The following DDX52 variants were observed in gnomAD, a reference collection of about 807,000 sequenced individuals.
DDX52 encodes the protein DExD-box helicase 52.
Under a neutral mutation model 76.1 loss-of-function variants are expected in DDX52, and 59 were observed. The observed-to-expected ratio is 0.78, with a 90% CI of 0.63 to 0.96. The LOEUF is 0.96. Ranked by LOEUF, DDX52 falls within the 40% of genes least tolerant of loss-of-function variation. The pLI, the probability that DDX52 is intolerant of heterozygous loss-of-function variation, is 0.00. For missense variants in DDX52, 707 were observed against 703.9 expected, an observed-to-expected ratio of 1.00 and a Z score of -0.05; for synonymous variants, 231 against 244.1, an observed-to-expected ratio of 0.95 and a Z score of 0.50.
chr17:37,634,742 C>G (rs1298194694), intron 2 of DDX52, among the ~76,000 whole-genome samples: 1 of 152,054 alleles, frequency 6.6e-6, no homozygotes, highest in Non-Finnish European at 1.5e-5. Context: ...AAAGTAATGG[C>G]AGAATTGTTT....
intron 9 of DDX52, among the ~76,000 whole-genome samples, chr17:37,622,978 T>C (rs1327513700): frequency 6.6e-6 from 1 of 152,196 alleles, no homozygotes; most frequent in Non-Finnish European, 1.5e-5. Flanking sequence ...AGAGGTTAAG[T>C]TGTGCAAAGC....
chr17:37,642,166 C>T lies in DDX52; in HGVS notation c.230G>A (p.Ser77Asn), dbSNP rs761666058. ...CTGCTCCCTCTTCCTTTCAGTTAGG[C>T]TCTCTTCTTTTTTCTCTCCATTTTG... The part of the protein sequence containing the change: ...KPQNGEKKEE[S>N]LTERKREQSK... Residue 77 changes from serine (S) to asparagine (N), a missense_variant, in exon 2 of 15, where the codon AGC (serine) becomes AAC (asparagine). Coordinates refer to ENST00000617633, the MANE Select transcript of DDX52 (RefSeq NM_007010.5). 8.7e-6 allele frequency: 14 copies of T among 1,614,066 alleles called. No individual in the cohort carries two copies. The highest frequency in any genetic ancestry group is 1.2e-5 in the Non-Finnish European group (14 of 1,180,014).
At chr17:37,625,669 A>C (rs1240056031) in intron 8 of DDX52, among the ~76,000 whole-genome samples, 2 of 152,198 alleles carry the variant, frequency 1.3e-5, no homozygotes, top group Non-Finnish European at 2.9e-5. Context: ...AAAACACCTA[A>C]AAGCATGATG....
At chr17:37,638,530 A>T (rs933332170) in intron 2 of DDX52, among the ~76,000 whole-genome samples, 6 of 152,218 alleles carry the variant, frequency 3.9e-5, no homozygotes, top group Non-Finnish European at 5.9e-5. Flanking sequence ...AAGTTGCGTT[A>T]AAGTCCAATA....
At chr17:37,621,609 C>A (rs1426225082) in intron 9 of DDX52, 89 bp from the exon 10 acceptor site, 1 of 1,471,248 alleles carries the variant, frequency 6.8e-7, no homozygotes, top group East Asian at 2.5e-5. Context: ...TTTAAGAACC[C>A]AATTCAATTT....
chr17:37,633,459 A>G (rs1237712779), intron 2 of DDX52, 41 bp from the exon 3 acceptor site: 4 of 1,450,662 alleles, frequency 2.8e-6, no homozygotes, highest in Non-Finnish European at 3.6e-6. Context: ...TTAACAGTCT[A>G]GGCAACATAG....
rs1219819639 is a variant in DDX52 at position 37,612,075 on chromosome 17, G to A, written c.*2221C>T. The A allele has an allele frequency of 1.3e-5, 2 of 149,740 alleles. No individual in the cohort carries two copies. The highest frequency in any genetic ancestry group is 3.9e-4 in the East Asian group (2 of 5,122). The allele number at this position is 149,740 out of a possible 1,614,324, so 9.3% of individuals were successfully genotyped here. A position where few individuals can be genotyped will look rare whatever the true frequency, so the allele number is the denominator to read the frequency against. On this transcript the variant is annotated 3_prime_UTR_variant, in exon 15 of 15. Transcript: ENST00000617633. ...ATATATAATACATAATATATATAAT[G>A]TGTGTGTGTGTGTTTATTTTCAAGA...
intron 2 of DDX52, among the ~76,000 whole-genome samples, chr17:37,638,649 C>T (rs1475148520): frequency 6.6e-6 from 1 of 151,898 alleles, no homozygotes; most frequent in Non-Finnish European, 1.5e-5. Context: ...ATTATTCAGA[C>T]ATCTGAAAAA....
At chr17:37,624,320 T>G in intron 9 of DDX52, 24 bp downstream of exon 9, 1 of 1,587,112 alleles carries the variant, frequency 6.3e-7, no homozygotes, top group Middle Eastern at 1.7e-4. Flanking sequence ...TTTACCAAAA[T>G]TCAAGAAGGT....
In DDX52 at chr17:37,611,228, C is replaced by G. The variant is rs1445102406; in HGVS notation, c.*3068G>C. The G allele has an allele frequency of 6.6e-6, 1 of 152,216 alleles. No homozygotes were observed. Among genetic ancestry groups the G allele is most frequent in the Non-Finnish European group, 1.5e-5 (1 of 68,058 alleles). 9.4% of individuals were successfully genotyped at this position (152,216 alleles called of 1,614,324 possible). On this transcript the variant is annotated 3_prime_UTR_variant, in exon 15 of 15. Coordinates refer to ENST00000617633, the MANE Select transcript of DDX52 (RefSeq NM_007010.5). ...TGATGATGTTTTGGTCAGCCACAGA[C>G]AGCAGATACAATGGTGGGATGAGAA...
chr17:37,620,563 T>C (rs974271282), intron 12 of DDX52: 1 of 236,074 alleles, frequency 4.2e-6, no homozygotes, highest in Non-Finnish European at 8.1e-6. Flanking sequence ...AAAATTACTA[T>C]AGGCAGTCAA....
intron 5 of DDX52, 66 bp from the exon 6 acceptor site, chr17:37,628,738 A>G (rs1285979530): frequency 1.8e-6 from 2 of 1,140,434 alleles, no homozygotes; most frequent in Non-Finnish European, 2.5e-6. Context: ...ACTCTTTTAC[A>G]TGATTAATGA....
At chr17:37,623,553 G>T (rs1401721771) in intron 9 of DDX52, among the ~76,000 whole-genome samples, 2 of 152,114 alleles carry the variant, frequency 1.3e-5, no homozygotes, top group Non-Finnish European at 2.9e-5. Flanking sequence ...TGCTTCATTA[G>T]TCTTCAAACA....
intron 3 of DDX52, among the ~76,000 whole-genome samples, 199 bp from the exon 4 acceptor site, chr17:37,632,497 C>T (rs1429400709): frequency 6.6e-6 from 1 of 152,140 alleles, no homozygotes; most frequent in Non-Finnish European, 1.5e-5. Flanking sequence ...AATGTCTATG[C>T]TTTCTTCATA....
chr17:37,623,595 A>G (rs2030212134), intron 9 of DDX52, among the ~76,000 whole-genome samples: 1 of 152,112 alleles, frequency 6.6e-6, no homozygotes, highest in African/African-American at 2.4e-5. Context: ...TTAAGGGTTT[A>G]CTCAAGCTGC....
chr17:37,634,601 A>G (rs2030843760), intron 2 of DDX52, among the ~76,000 whole-genome samples: 1 of 151,564 alleles, frequency 6.6e-6, no homozygotes, highest in Non-Finnish European at 1.5e-5. Context: ...ACTGCACTCC[A>G]GCCTCGGCAA....
intron 1 of DDX52, 96 bp downstream of exon 1, chr17:37,643,238 G>A: frequency 7.5e-7 from 1 of 1,329,688 alleles, no homozygotes; most frequent in African/African-American, 1.4e-5. Context: ...CCAGGCCACG[G>A]GTGTCCAAGT....
Position 37,620,916 on chromosome 17 carries a change from CT to C in DDX52, c.1533del (p.Ala512GlnfsTer13). ...TCATCCTCAGTGAAAAATGTAATTG[CT>C]TTTCCCTTATTCCCTGCTCTTCCAG... is the stretch of plus-strand genomic sequence containing the variant. ...GRTGRAGNKGKAITFFTEDDK... is the reference protein window; with the variant it reads ...GRTGRAGNKGXAITFFTEDDK... On this transcript the variant is annotated frameshift_variant, in exon 12 of 15. Transcript: ENST00000617633. LOFTEE classifies it high-confidence loss of function. 6.3e-7 allele frequency: 1 copy of C among 1,594,930 alleles called. No homozygotes were observed. Among genetic ancestry groups the C allele is most frequent in the African/African-American group, 1.4e-5 (1 of 73,732 alleles).
rs2064384644 is a variant in DDX52, at chr17:37,612,943, A to G, written c.*1353T>C. 6.6e-6 allele frequency: 1 copy of G among 152,196 alleles called. No homozygotes were observed. The highest frequency in any genetic ancestry group is 2.1e-4 in the South Asian group (1 of 4,834). 9.4% of individuals were successfully genotyped at this position (152,196 alleles called of 1,614,324 possible). ...GTTTGCATGAACAAACAAAAAAATC[A>G]TATTCTTGTAAGTATTTTTACACCC... is the stretch of plus-strand genomic sequence containing the variant. On this transcript the variant is annotated 3_prime_UTR_variant, in exon 15 of 15. Transcript: ENST00000617633.
Sources: gnomAD v4.1 joint callset for allele counts (sites outside exome capture counted in the v4.1 genomes callset) on GRCh38, gnomAD v4.1.1 for gene constraint, MANE v1.5 for transcripts, NCBI Gene and HGNC (gene_info 2026-07-23, HGNC 2026-07-21) for gene names.